RNF144B: variants seen among roughly 807,000 people sequenced by gnomAD.
The protein encoded by RNF144B is ring finger protein 144B.
Under a neutral mutation model 40.2 loss-of-function variants are expected in RNF144B, and 25 were observed. That is an observed-to-expected ratio of 0.62 (90% CI 0.45 to 0.87). The LOEUF (loss-of-function observed/expected upper bound fraction) is 0.87, where lower values mean the gene tolerates loss of function less well. Among genes scored for constraint, RNF144B ranks in the 40% least tolerant of loss-of-function variants. The probability of loss-of-function intolerance (pLI) is 0.00; values close to 1 mark genes in which losing one functional copy is unlikely to be tolerated. For missense variants in RNF144B, 365 were observed against 373.7 expected (o/e 0.98, Z 0.19); for synonymous variants, 145 against 136.3 (o/e 1.06, Z -0.44).
chr6:18,424,104 GT>G (rs1758494446), intron 2 of RNF144B, among the ~76,000 whole-genome samples: 3 of 152,264 alleles, frequency 2.0e-5, no homozygotes, highest in African/African-American at 4.8e-5. Flanking sequence ...CTAGATGCCA[GT>G]TTTCCCCCCT....
Position 18,410,844 on chromosome 6 carries a change from T to C in RNF144B, c.165+11145T>C, listed in dbSNP as rs1795017053. ...GGCTGAAGCAGAGCTCGGAGAACAA[T>C]GTCCTTATCAACTTAGGATACATGT... On this transcript the variant is annotated intron_variant, in intron 2 of 7. Transcript: ENST00000259939. This position sits in a 1 kb window ranked among gnomAD's most constrained non-coding sequence, Gnocchi z 4.6. 6.6e-6 allele frequency among the ~76,000 whole-genome samples: 1 copy of C among 152,168 alleles called. No homozygotes were observed. The highest frequency in any genetic ancestry group is 1.5e-5 in the Non-Finnish European group (1 of 68,014).
At chr6:18,387,833 G>T (rs2113445874) in intron 1 of RNF144B, among the ~76,000 whole-genome samples, 1 of 152,278 alleles carries the variant, frequency 6.6e-6, no homozygotes, top group Non-Finnish European at 1.5e-5. Context: ...TTTGTTAAAG[G>T]AAAGTAGTTT....
chr6:18,452,284 A>G (rs1308587130), intron 4 of RNF144B, among the ~76,000 whole-genome samples: 2 of 152,216 alleles, frequency 1.3e-5, no homozygotes, highest in Non-Finnish European at 2.9e-5. Context: ...CTACCGTCAG[A>G]GAGGCCATCT....
intron 2 of RNF144B, among the ~76,000 whole-genome samples, chr6:18,420,519 A>C (rs532973578): frequency 6.6e-6 from 1 of 152,290 alleles, no homozygotes; most frequent in South Asian, 2.1e-4. Flanking sequence ...GCAATGCAGC[A>C]TGCTGGGCGT....
rs1448966171 is a variant in RNF144B, at chr6:18,414,961, A to G, written c.166-12620A>G. The stretch of plus-strand genomic sequence containing the variant: ...CAAGCCCCTTCCCACTCCCCACCCC[A>G]AAGATACCCAAATTCATGAATGCTC... On this transcript the variant is annotated intron_variant, in intron 2 of 7. Transcript: ENST00000259939. This position sits in a 1 kb window ranked among gnomAD's most constrained non-coding sequence, Gnocchi z 4.9. Among the ~76,000 whole-genome samples, 3 of 152,138 alleles carry G rather than the reference A, an allele frequency of 2.0e-5. No individual in the cohort carries two copies. Among genetic ancestry groups the G allele is most frequent in the African/African-American group, 7.2e-5 (3 of 41,430 alleles).
chr6:18,462,597 A>C (rs936696396), intron 6 of RNF144B, among the ~76,000 whole-genome samples: 3 of 151,592 alleles, frequency 2.0e-5, no homozygotes, highest in African/African-American at 7.3e-5. Context: ...TCTAATGAAC[A>C]GACCATTAGA....
rs766392906 is a variant in RNF144B, at chr6:18,425,718, A to C, written c.166-1863A>C. 6.6e-5 allele frequency among the ~76,000 whole-genome samples: 10 copies of C among 152,142 alleles called. No individual in the cohort carries two copies. Among genetic ancestry groups the C allele is most frequent in the Non-Finnish European group, 1.3e-4 (9 of 68,018 alleles). On this transcript the variant is annotated intron_variant, in intron 2 of 7. Transcript: ENST00000259939. This position sits in a 1 kb window ranked among gnomAD's most constrained non-coding sequence, Gnocchi z 4.2. ...TGTTCCCAGATACCTTTTATTCCTG[A>C]ATTTATACTAAATCATGAGCATTTG...
rs977530963 is a variant in RNF144B at position 18,425,217 on chromosome 6, T to A, written c.166-2364T>A. On this transcript the variant is annotated intron_variant, in intron 2 of 7. Transcript: ENST00000259939. This position sits in a 1 kb window ranked among gnomAD's most constrained non-coding sequence, Gnocchi z 4.2. ...CCACCCAGGTGTTAGGATCTGAAGT[T>A]CTTTGCATTGTTCACTTTGTTTTCC... is the stretch of plus-strand genomic sequence containing the variant. Among the ~76,000 whole-genome samples, 4 of 152,212 alleles carry A rather than the reference T, an allele frequency of 2.6e-5. No homozygotes were observed. Among genetic ancestry groups the A allele is most frequent in the Non-Finnish European group, 4.4e-5 (3 of 68,028 alleles).
rs1436237414 is a variant in RNF144B, at chr6:18,457,102, A to G, written c.332-53A>G. 2 of 1,335,628 alleles carry G rather than the reference A, an allele frequency of 1.5e-6. No individual in the cohort carries two copies. Among genetic ancestry groups the G allele is most frequent in the Admixed American group, 1.7e-5 (1 of 59,602 alleles). The allele number at this position is 1,335,628 out of a possible 1,614,324, so 82.7% of individuals were successfully genotyped here. A position where few individuals can be genotyped will look rare whatever the true frequency, so the allele number is the denominator to read the frequency against. ...ATAAGAGGGCAAATGAAGGTGAGAA[A>G]GACTCAAACATGAATCGGGCAGACC... On this transcript the variant is annotated intron_variant, in intron 4 of 7. Coordinates refer to ENST00000259939, the MANE Select transcript of RNF144B (RefSeq NM_182757.4). The surrounding 1 kb of genome is among the most constrained non-coding windows in gnomAD (Gnocchi z 5.1).
chr6:18,412,431 A>G lies in RNF144B; in HGVS notation c.165+12732A>G, dbSNP rs1358007599. Among the ~76,000 whole-genome samples the G allele has an allele frequency of 6.6e-6, 1 of 152,230 alleles. No individual in the cohort carries two copies. Among genetic ancestry groups the G allele is most frequent in the Non-Finnish European group, 1.5e-5 (1 of 68,036 alleles). ...TGCCAGTATAGTTTCAACTGATTTTATACCTTGGTATTAATAGTAATCAAG... is the reference window on the plus strand; with the variant it reads ...TGCCAGTATAGTTTCAACTGATTTTGTACCTTGGTATTAATAGTAATCAAG... On this transcript the variant is annotated intron_variant, in intron 2 of 7. Transcript: ENST00000259939. This position sits in a 1 kb window ranked among gnomAD's most constrained non-coding sequence, Gnocchi z 4.2.
rs181226338 is a variant in RNF144B at position 18,398,771 on chromosome 6, T to C, written c.-36-728T>C. 6.6e-6 allele frequency among the ~76,000 whole-genome samples: 1 copy of C among 152,318 alleles called. No individual in the cohort carries two copies. The highest frequency in any genetic ancestry group is 6.5e-5 in the Admixed American group (1 of 15,306). ...AATAATGTTGCTATGAATATGGGTG[T>C]ACAAATATCTCTTTGAGACCCTGCT... On this transcript the variant is annotated intron_variant, in intron 1 of 7. Transcript: ENST00000259939. This position sits in a 1 kb window ranked among gnomAD's most constrained non-coding sequence, Gnocchi z 5.0.
chr6:18,432,668 C>G (rs927063633), intron 3 of RNF144B, among the ~76,000 whole-genome samples: 2 of 152,216 alleles, frequency 1.3e-5, no homozygotes, highest in Admixed American at 6.5e-5. Context: ...AAAGTTTGAA[C>G]CATTTGTCTG....
chr6:18,427,436 T>C, intron 2 of RNF144B, 145 bp from the exon 3 acceptor site: 1 of 554,854 alleles, frequency 1.8e-6, no homozygotes, highest in South Asian at 2.6e-5. Context: ...GCTCTTAGTA[T>C]TCACACTTGT....
Position 18,427,446 on chromosome 6 carries a change from T to C in RNF144B, c.166-135T>C, listed in dbSNP as rs1477251074. ...TGATGGCTCTTAGTATTCACACTTG[T>C]GATAACTTATGTTTCTTGAGTACAA... On this transcript the variant is annotated intron_variant, in intron 2 of 7. Coordinates refer to ENST00000259939, the MANE Select transcript of RNF144B (RefSeq NM_182757.4). 3.5e-5 allele frequency: 20 copies of C among 575,162 alleles called. No individual in the cohort carries two copies. The Admixed American group carries it at 4.1e-4, about 12-fold the overall frequency. 35.6% of individuals were successfully genotyped at this position (575,162 alleles called of 1,614,324 possible). A position where few individuals can be genotyped will look rare whatever the true frequency, so the allele number is the denominator to read the frequency against.
rs370801682 is a variant in RNF144B at position 18,407,984 on chromosome 6, C to CTTT, written c.165+8300_165+8302dup. Among the ~76,000 whole-genome samples the CTTT allele has an allele frequency of 1.4e-4, 19 of 133,602 alleles. No homozygotes were observed. In the East Asian group the frequency reaches 1.5e-3, roughly 11 times the overall value. The allele number at this position is 133,602 out of a possible 152,430, so 87.6% of individuals were successfully genotyped here. On this transcript the variant is annotated intron_variant, in intron 2 of 7. Transcript: ENST00000259939. ...TTTTTCTTTTTCTTTCTTTCTTTTTCTTTTTTTTTTTTTTTTTCCAGACAG... is the reference window on the plus strand; with the variant it reads ...TTTTTCTTTTTCTTTCTTTCTTTTTCTTTTTTTTTTTTTTTTTTTTCCAGACAG...
chr6:18,426,506 T>C (rs2147422), intron 2 of RNF144B, among the ~76,000 whole-genome samples: 9,440 of 152,230 alleles, frequency 0.062, 393 homozygotes, highest in Non-Finnish European at 0.082. Flanking sequence ...TATCAGTCCC[T>C]CTCTTAACTT....
chr6:18,457,377 G>A lies in RNF144B; in HGVS notation c.536+18G>A. The A allele has an allele frequency of 6.3e-7, 1 of 1,590,040 alleles. No individual in the cohort carries two copies. The highest frequency in any genetic ancestry group is 8.6e-7 in the Non-Finnish European group (1 of 1,158,056). On this transcript the variant is annotated intron_variant, in intron 5 of 7. Transcript: ENST00000259939. This position sits in a 1 kb window ranked among gnomAD's most constrained non-coding sequence, Gnocchi z 5.1. Reference sequence around the variant, plus strand: ...GAGCACCGGTAAGAAAGGAAACTTTGTCTTTGGGATTATTCACTAGTTTTC... The same window carrying A: ...GAGCACCGGTAAGAAAGGAAACTTTATCTTTGGGATTATTCACTAGTTTTC...
chr6:18,394,011 C>T (rs1444189977), intron 1 of RNF144B, among the ~76,000 whole-genome samples: 1 of 152,194 alleles, frequency 6.6e-6, no homozygotes, highest in East Asian at 1.9e-4. Context: ...TGCAGATCAA[C>T]TGGATTTTTA....
Position 18,465,026 on chromosome 6 carries a change from T to C in RNF144B, c.871T>C (p.Cys291Arg), listed in dbSNP as rs774672226. ...PCIICCVCKS[C>R]RGKKKKHDPS... ...TATAATCTGTTGTGTCTGCAAGTCC[T>C]GTCGGGGCAAGAAGAAAAAGCACGA... The change falls in exon 8 of 8, where the codon TGT becomes CGT. Residue 291 changes from cysteine to arginine, a missense_variant. Physicochemically the swap from Cys to Arg is radical, Grantham distance 180 (BLOSUM62 -3). Coordinates refer to ENST00000259939, the MANE Select transcript of RNF144B (RefSeq NM_182757.4). 1.9e-6 allele frequency: 3 copies of C among 1,613,752 alleles called. No individual in the cohort carries two copies. The African/African-American group carries it at 4.0e-5, about 22-fold the overall frequency.
Sources: allele counts gnomAD v4.1 joint callset (sites outside exome capture counted in the v4.1 genomes callset), GRCh38; gene constraint gnomAD v4.1.1; non-coding constraint Gnocchi (gnomAD v3.1); transcripts MANE v1.5; gene names NCBI Gene and HGNC (gene_info 2026-07-23, HGNC 2026-07-21).